Variants in PCDHGA5 observed in about 807,000 individuals in gnomAD.
The protein encoded by PCDHGA5 is protocadherin gamma-A5.
PCDHGA5 carries 36 observed loss-of-function variants against 56.7 expected under a neutral mutation model. The ratio of observed to expected loss-of-function variants is 0.64; its 90% confidence interval spans 0.49 to 0.84. The LOEUF (loss-of-function observed/expected upper bound fraction) is 0.84, where lower values mean the gene tolerates loss of function less well. PCDHGA5 is among the 40% of genes least tolerant of loss of function. PCDHGA5 has a pLI of 0.00. For missense variants in PCDHGA5, 1,305 were observed against 1,201.5 expected, an observed-to-expected ratio of 1.09 and a Z score of -1.27; for synonymous variants, 563 against 520.2, an observed-to-expected ratio of 1.08 and a Z score of -1.12.
chr5:141,366,625 G>C lies in PCDHGA5; in HGVS notation c.2295G>C (p.Lys765Asn). The C allele has an allele frequency of 6.2e-7, 1 of 1,614,274 alleles. No homozygotes were observed. Among genetic ancestry groups the C allele is most frequent in the Non-Finnish European group, 8.5e-7 (1 of 1,180,046 alleles). The change falls in exon 1 of 4, where the codon AAG becomes AAC. Residue 765 changes from lysine (K) to asparagine (N), a missense_variant. Transcript: ENST00000518069. The part of the protein sequence containing the change: ...HEVSLTADSR[K>N]SHLIFPQPNY... Reference sequence around the variant, plus strand: ...TCTCCCTCACCGCGGACTCGAGGAAGAGTCACCTGATCTTTCCCCAGCCCA... The same window carrying C: ...TCTCCCTCACCGCGGACTCGAGGAACAGTCACCTGATCTTTCCCCAGCCCA...
intron 1 of PCDHGA5, chr5:141,397,846 A>C: frequency 1.9e-6 from 1 of 528,462 alleles, no homozygotes; most frequent in South Asian, 3.1e-5. Flanking sequence ...GAAGCCGCAG[A>C]GGCTGTAGTT....
rs777568111 is a variant in PCDHGA5 at position 141,404,292 on chromosome 5, A to G, written c.2421+37541A>G. On this transcript the variant is annotated intron_variant, in intron 1 of 3. Coordinates refer to ENST00000518069, the MANE Select transcript of PCDHGA5 (RefSeq NM_018918.3). ...ACCCTGCAAGTGACTGACATCAATG[A>G]TAATCCACCTGCTTTCTCTCAAGCC... 2.5e-6 allele frequency: 4 copies of G among 1,613,864 alleles called. No homozygotes were observed. Among genetic ancestry groups the G allele is most frequent in the South Asian group, 1.1e-5 (1 of 91,082 alleles).
At position 141,376,090 on chromosome 5, in the gene PCDHGA5, C is replaced by G. The variant is rs372887480; in HGVS notation, c.2421+9339C>G. ...CCGTGGCCGTGGCCGACAGGATCCC[C>G]GACATCCTGGCCGACCTGGGCAGCC... On this transcript the variant is annotated intron_variant, in intron 1 of 3. Coordinates refer to ENST00000518069, the MANE Select transcript of PCDHGA5 (RefSeq NM_018918.3). 107 of 1,613,674 alleles carry G rather than the reference C, an allele frequency of 6.6e-5. No homozygotes were observed. In the African/African-American group the frequency reaches 1.2e-3, roughly 18 times the overall value.
chr5:141,415,690 G>C (rs1218128531), intron 1 of PCDHGA5: 4 of 1,512,972 alleles, frequency 2.6e-6, no homozygotes, highest in Non-Finnish European at 3.6e-6. Context: ...CATGATGGTG[G>C]AAAGTGTAAA....
chr5:141,470,379 A>G (rs1210709847), intron 1 of PCDHGA5, among the ~76,000 whole-genome samples: 1 of 152,086 alleles, frequency 6.6e-6, no homozygotes, highest in East Asian at 1.9e-4. Flanking sequence ...TGGAAAGACT[A>G]CTCGATGATA....
intron 1 of PCDHGA5, chr5:141,376,127 G>T (rs1331529697): frequency 3.7e-6 from 6 of 1,613,710 alleles, no homozygotes; most frequent in Non-Finnish European, 5.1e-6. Flanking sequence ...CGAGCCCTCC[G>T]CCAAACCCAA....
At chr5:141,371,060 A>G in intron 1 of PCDHGA5, 1 of 1,613,980 alleles carries the variant, frequency 6.2e-7, no homozygotes, top group Non-Finnish European at 8.5e-7. Flanking sequence ...AGCCCTCCAG[A>G]AGCTGTACCA....
In PCDHGA5 at chr5:141,491,534, G is replaced by A. The variant is rs376996144; in HGVS notation, c.2422-3273G>A. On this transcript the variant is annotated intron_variant, in intron 1 of 3. Coordinates refer to ENST00000518069, the MANE Select transcript of PCDHGA5 (RefSeq NM_018918.3). This position sits in a 1 kb window ranked among gnomAD's most constrained non-coding sequence, Gnocchi z 6.9. The stretch of plus-strand genomic sequence containing the variant: ...CTCAAGTACATGGAGGTGACGCTGC[G>A]GCCCACAGACTCGCAGAGCCACTGC... The A allele has an allele frequency of 6.2e-7, 1 of 1,614,030 alleles. No homozygotes were observed. The highest frequency in any genetic ancestry group is 8.5e-7 in the Non-Finnish European group (1 of 1,180,028).
At chr5:141,451,302 G>A (rs1445994098) in intron 1 of PCDHGA5, among the ~76,000 whole-genome samples, 1 of 152,208 alleles carries the variant, frequency 6.6e-6, no homozygotes, top group Non-Finnish European at 1.5e-5. Context: ...GTCTTACAAG[G>A]CAGCAATTAA....
chr5:141,480,381 C>T (rs1018981416), intron 1 of PCDHGA5, among the ~76,000 whole-genome samples: 2 of 151,926 alleles, frequency 1.3e-5, no homozygotes, highest in Non-Finnish European at 2.9e-5. Context: ...CACCACTACA[C>T]TTCAACCATG....
chr5:141,405,222 T>A, intron 1 of PCDHGA5: 5 of 1,613,886 alleles, frequency 3.1e-6, no homozygotes, highest in Non-Finnish European at 4.2e-6. Context: ...TCTCAGGAGT[T>A]CTCCCTCACC....
chr5:141,410,295 T>C (rs1043971768), intron 1 of PCDHGA5: 2 of 1,613,982 alleles, frequency 1.2e-6, no homozygotes, highest in East Asian at 2.2e-5. Context: ...GCCTTGGCCT[T>C]AATCTCAGTG....
At chr5:141,399,842 A>G (rs749737928) in intron 1 of PCDHGA5, 11 of 1,612,852 alleles carry the variant, frequency 6.8e-6, no homozygotes, top group Non-Finnish European at 8.5e-7. Flanking sequence ...GCGCTCTTCG[A>G]TATGGTGCCG....
chr5:141,431,090 G>C lies in PCDHGA5; in HGVS notation c.2422-63717G>C. On this transcript the variant is annotated intron_variant, in intron 1 of 3. Transcript: ENST00000518069. The surrounding 1 kb of genome is among the most constrained non-coding windows in gnomAD (Gnocchi z 4.8). ...TCAATTAAATCTAGACATTCTGATG[G>C]AGGATAAAGTGAAAATATATGGAGT... is the stretch of plus-strand genomic sequence containing the variant. 6.2e-7 allele frequency: 1 copy of C among 1,614,246 alleles called. No homozygotes were observed. The highest frequency in any genetic ancestry group is 8.5e-7 in the Non-Finnish European group (1 of 1,180,032).
intron 3 of PCDHGA5, among the ~76,000 whole-genome samples, chr5:141,510,214 A>G (rs1047332886): frequency 6.6e-6 from 1 of 151,406 alleles, no homozygotes; most frequent in Non-Finnish European, 1.5e-5. Context: ...CAGAGGTTGC[A>G]GTGAGCCGGG....
At chr5:141,386,780 A>C (rs1209529195) in intron 1 of PCDHGA5, among the ~76,000 whole-genome samples, 3 of 152,202 alleles carry the variant, frequency 2.0e-5, no homozygotes. Flanking sequence ...TGTAAAAGAA[A>C]ATCTCCTGAC....
chr5:141,394,022 A>G (rs1210359800), intron 1 of PCDHGA5: 1 of 1,613,552 alleles, frequency 6.2e-7, no homozygotes, highest in South Asian at 1.1e-5. Flanking sequence ...ATTATTATAG[A>G]TTAGTGACAA....
chr5:141,460,128 T>C (rs10051366), intron 1 of PCDHGA5, among the ~76,000 whole-genome samples: 42,386 of 151,808 alleles, frequency 0.28, 6,635 homozygotes, highest in African/African-American at 0.43. Context: ...ATATGTAATA[T>C]ATATATTCTT....
In PCDHGA5 at chr5:141,365,555, G is replaced by A; in HGVS notation, c.1225G>A (p.Asp409Asn). 1.2e-6 allele frequency: 2 copies of A among 1,613,642 alleles called. No individual in the cohort carries two copies. Among genetic ancestry groups the A allele is most frequent in the South Asian group, 1.1e-5 (1 of 91,070 alleles). Residue 409 changes from aspartate to asparagine, a missense_variant, in exon 1 of 4, where the codon GAC (aspartate) becomes AAC (asparagine). Asp to Asn is a conservative substitution (Grantham distance 23). Coordinates refer to ENST00000518069, the MANE Select transcript of PCDHGA5 (RefSeq NM_018918.3). ...DNYYHLLTTR[D>N]LDREETSDYN... Reference sequence around the variant, plus strand: ...TTACTATCACCTATTAACAACTAGGGACCTGGACAGAGAAGAGACTTCAGA... The same window carrying A: ...TTACTATCACCTATTAACAACTAGGAACCTGGACAGAGAAGAGACTTCAGA...
Sources: allele counts gnomAD v4.1 joint callset (sites outside exome capture counted in the v4.1 genomes callset), GRCh38; gene constraint gnomAD v4.1.1; non-coding constraint Gnocchi (gnomAD v3.1); transcripts MANE v1.5; gene names NCBI Gene and HGNC (gene_info 2026-07-23, HGNC 2026-07-21).